MACROD2: variants seen among roughly 807,000 people sequenced by gnomAD.
The protein encoded by MACROD2 is ADP-ribose glycohydrolase MACROD2.
MACROD2 carries 36 observed loss-of-function variants against 70.4 expected under a neutral mutation model. That is an observed-to-expected ratio of 0.51 (90% CI 0.39 to 0.68). The LOEUF (loss-of-function observed/expected upper bound fraction) is 0.68. Among genes scored for constraint, MACROD2 ranks in the 30% least tolerant of loss-of-function variants. The pLI is 0.00. For synonymous variants in MACROD2, 172 were observed against 178.8 expected (o/e 0.96, Z 0.30); for missense variants, 496 against 538.4 (o/e 0.92, Z 0.78).
At chr20:15,142,835 A>C in intron 5 of MACROD2, among the ~76,000 whole-genome samples, 1 of 152,158 alleles carries the variant, frequency 6.6e-6, no homozygotes. Flanking sequence ...TACAAACGAC[A>C]TGAACTCATC....
At chr20:14,716,932 T>C (rs547930775) in intron 5 of MACROD2, among the ~76,000 whole-genome samples, 2 of 152,304 alleles carry the variant, frequency 1.3e-5, no homozygotes, top group South Asian at 4.1e-4. Flanking sequence ...CATTTTGCTT[T>C]CTGAAAAGAA....
chr20:15,259,111 A>T (rs568567696), intron 6 of MACROD2, among the ~76,000 whole-genome samples: 1 of 152,086 alleles, frequency 6.6e-6, no homozygotes, highest in East Asian at 1.9e-4. Flanking sequence ...AAATTCAAGG[A>T]TGCTTCTTTC....
At chr20:16,028,145 C>T (rs1480966883) in intron 15 of MACROD2, among the ~76,000 whole-genome samples, 1 of 152,170 alleles carries the variant, frequency 6.6e-6, no homozygotes, top group Non-Finnish European at 1.5e-5. Flanking sequence ...CATCTAGTTC[C>T]AACTCAAATG....
intron 4 of MACROD2, among the ~76,000 whole-genome samples, chr20:14,646,003 T>C (rs1985369364): frequency 7.0e-6 from 1 of 142,144 alleles, no homozygotes. Flanking sequence ...ACTAAGTAAA[T>C]ATATAAGTTA....
intron 5 of MACROD2, among the ~76,000 whole-genome samples, chr20:15,132,925 A>G (rs1184313928): frequency 6.6e-6 from 1 of 152,116 alleles, no homozygotes; most frequent in African/African-American, 2.4e-5. Flanking sequence ...TTGTGATAAT[A>G]GTATTATTTT....
At chr20:15,524,040 T>G (rs1175614819) in intron 8 of MACROD2, among the ~76,000 whole-genome samples, 1 of 152,176 alleles carries the variant, frequency 6.6e-6, no homozygotes, top group Admixed American at 6.5e-5. Flanking sequence ...GGGCTCACAC[T>G]CATCCTGATG....
intron 12 of MACROD2, among the ~76,000 whole-genome samples, chr20:15,955,170 T>A (rs6080050): frequency 0.1 from 15,131 of 152,054 alleles, 960 homozygotes; most frequent in East Asian, 0.25. Flanking sequence ...AAGAGCATCT[T>A]TGAAAGATTG....
chr20:15,962,982 T>G (rs938971341), intron 12 of MACROD2, among the ~76,000 whole-genome samples: 4 of 152,188 alleles, frequency 2.6e-5, no homozygotes, highest in Non-Finnish European at 5.9e-5. Context: ...GCTGCAAAGT[T>G]TCAGTAAGAA....
At chr20:14,544,601 T>C (rs1465014188) in intron 4 of MACROD2, among the ~76,000 whole-genome samples, 1 of 152,176 alleles carries the variant, frequency 6.6e-6, no homozygotes, top group Non-Finnish European at 1.5e-5. Flanking sequence ...TGATTTCCAT[T>C]TGAGTTGCTT....
chr20:15,252,521 G>A (rs749488898), intron 6 of MACROD2, among the ~76,000 whole-genome samples: 11 of 152,176 alleles, frequency 7.2e-5, no homozygotes, highest in Admixed American at 1.3e-4. Context: ...GGTTCTTAAA[G>A]CTACATATGG....
intron 4 of MACROD2, among the ~76,000 whole-genome samples, chr20:14,658,474 C>T (rs1200512113): frequency 2.0e-5 from 3 of 152,194 alleles, no homozygotes; most frequent in African/African-American, 7.2e-5. Context: ...ATTAGAGGGT[C>T]AGAGCCCTTG....
intron 6 of MACROD2, among the ~76,000 whole-genome samples, chr20:15,291,090 T>C (rs1223470415): frequency 1.3e-5 from 2 of 152,220 alleles, no homozygotes; most frequent in African/African-American, 4.8e-5. Flanking sequence ...AATTAATAAA[T>C]GAGCATTGTG....
chr20:14,003,552 A>G (rs969573509), intron 2 of MACROD2: 5 of 350,744 alleles, frequency 1.4e-5, no homozygotes, highest in South Asian at 5.9e-5. Context: ...TCTGATTCCA[A>G]ACTGATAAGA....
intron 6 of MACROD2, among the ~76,000 whole-genome samples, chr20:15,335,965 T>C (rs974159966): frequency 6.6e-6 from 1 of 151,664 alleles, no homozygotes; most frequent in Non-Finnish European, 1.5e-5. Flanking sequence ...TTCAGACCTT[T>C]TCTCCCAGTT....
At chr20:15,133,741 C>T (rs2076124036) in intron 5 of MACROD2, among the ~76,000 whole-genome samples, 1 of 152,092 alleles carries the variant, frequency 6.6e-6, no homozygotes, top group Non-Finnish European at 1.5e-5. Flanking sequence ...TATACACCCT[C>T]TCCTTCTGAC....
chr20:14,936,623 A>C (rs6105342), intron 5 of MACROD2, among the ~76,000 whole-genome samples: 49,913 of 151,198 alleles, frequency 0.33, 8,881 homozygotes, highest in East Asian at 0.51. Flanking sequence ...TACAATTTTA[A>C]AGGTCCTTTC....
At chr20:14,852,448 A>G (rs1005836594) in intron 5 of MACROD2, among the ~76,000 whole-genome samples, 1 of 152,172 alleles carries the variant, frequency 6.6e-6, no homozygotes, top group Non-Finnish European at 1.5e-5. Flanking sequence ...AGAGGGTGAC[A>G]TGAAAGTTGA....
intron 3 of MACROD2, among the ~76,000 whole-genome samples, chr20:14,216,088 T>C (rs1358385129): frequency 6.6e-6 from 1 of 152,076 alleles, no homozygotes; most frequent in Non-Finnish European, 1.5e-5. Flanking sequence ...CGTAAGCCAA[T>C]GTCTAGACAG....
chr20:15,931,489 A>T (rs2147314556), intron 10 of MACROD2, among the ~76,000 whole-genome samples: 1 of 152,162 alleles, frequency 6.6e-6, no homozygotes, highest in South Asian at 2.1e-4. Context: ...AAAAAAATAA[A>T]AAATCAGTCA....
Sources: gnomAD v4.1 joint callset for allele counts (sites outside exome capture counted in the v4.1 genomes callset) on GRCh38, gnomAD v4.1.1 for gene constraint, MANE v1.5 for transcripts, NCBI Gene and HGNC (gene_info 2026-07-23, HGNC 2026-07-21) for gene names.